ANXA11: variants seen among roughly 807,000 people sequenced by gnomAD.
ANXA11 encodes the protein 56 kDa autoantigen.
A neutral mutation model predicts 64.7 loss-of-function variants in ANXA11; 57 were observed. The observed-to-expected ratio is 0.88, with a 90% CI of 0.71 to 1.10. The LOEUF is 1.10. Ranked by LOEUF, ANXA11 falls within the 50% of genes least tolerant of loss-of-function variation. ANXA11 has a pLI of 0.00. For synonymous variants in ANXA11, 260 were observed against 265.2 expected (o/e 0.98, Z 0.19); for missense variants, 675 against 670.7 (o/e 1.01, Z -0.07).
Position 80,169,171 on chromosome 10 carries a change from T to C in ANXA11, c.359A>G (p.Tyr120Cys), listed in dbSNP as rs1176166954. 1 of 1,590,502 alleles carries C rather than the reference T, an allele frequency of 6.3e-7. No homozygotes were observed. The highest frequency in any genetic ancestry group is 1.8e-5 in the Admixed American group (1 of 54,738). Reference protein sequence around the residue: ...GGNPPSRMPSYPPYPGAPVPG... With the variant: ...GGNPPSRMPSCPPYPGAPVPG... ...CACAGGGGCCCCTGGGTATGGCGGA[T>C]ATGAGGGCATCCTGGAGGGTGGGTT... Residue 120 changes from tyrosine to cysteine, a missense_variant, in exon 5 of 16, where the codon TAT (tyrosine) becomes TGT (cysteine). Coordinates refer to ENST00000422982, the MANE Select transcript of ANXA11 (RefSeq NM_145868.2).
At chr10:80,174,042 A>C (rs1446446350) in intron 2 of ANXA11, among the ~76,000 whole-genome samples, 3 of 152,160 alleles carry the variant, frequency 2.0e-5, no homozygotes, top group Non-Finnish European at 2.9e-5. Context: ...ATCTATCTTG[A>C]AGAACTGGGC....
intron 4 of ANXA11, among the ~76,000 whole-genome samples, chr10:80,170,382 C>T (rs1375581695): frequency 6.6e-6 from 1 of 152,192 alleles, no homozygotes; most frequent in Admixed American, 6.5e-5. Context: ...AGTAGCATGT[C>T]TGCCCAAGAT....
At chr10:80,170,726 A>G in intron 4 of ANXA11, 74 bp downstream of exon 4, 1 of 1,212,018 alleles carries the variant, frequency 8.3e-7, no homozygotes. Flanking sequence ...GGAGCCCCAG[A>G]GGCCAGCAGC....
rs3060571 is a variant in ANXA11, at chr10:80,178,210, G to GCTCTCTCT, written c.-57-2063_-57-2056dup. Among the ~76,000 whole-genome samples the GCTCTCTCT allele has an allele frequency of 1.7e-4, 25 of 149,248 alleles. No homozygotes were observed. The East Asian group carries it at 1.8e-3, about 11-fold the overall frequency. ...CAGTGAGCTATAATCCAGAAGATCTGCTCTCTCTCTCTCTCTCTCTCTCTG... is the reference window on the plus strand; with the variant it reads ...CAGTGAGCTATAATCCAGAAGATCTGCTCTCTCTCTCTCTCTCTCTCTCTCTCTCTCTG... On this transcript the variant is annotated intron_variant, in intron 1 of 15. Transcript: ENST00000422982.
At position 80,198,809 on chromosome 10, in the gene ANXA11, C is replaced by T. The variant is rs142365012; in HGVS notation, c.-58+6534G>A. On this transcript the variant is annotated intron_variant, in intron 1 of 15. Coordinates refer to ENST00000422982, the MANE Select transcript of ANXA11 (RefSeq NM_145868.2). ...TCTTCATTCACAACCAAACCTGAAA[C>T]GTAATACAGGTGGCGTGGGGAAGAT... Among the ~76,000 whole-genome samples the T allele has an allele frequency of 4.6e-5, 7 of 152,074 alleles. No homozygotes were observed. In the East Asian group the frequency reaches 7.7e-4, roughly 17 times the overall value.
At chr10:80,185,325 A>C (rs1171957358) in intron 1 of ANXA11, among the ~76,000 whole-genome samples, 1 of 152,244 alleles carries the variant, frequency 6.6e-6, no homozygotes, top group Non-Finnish European at 1.5e-5. Flanking sequence ...GCTGCCCGGA[A>C]TGTGTTCCCT....
At chr10:80,201,799 C>T (rs189634469) in intron 1 of ANXA11, among the ~76,000 whole-genome samples, 1 of 152,272 alleles carries the variant, frequency 6.6e-6, no homozygotes, top group African/African-American at 2.4e-5. Flanking sequence ...CCCAGTGGTG[C>T]CACTCCCCAG....
chr10:80,197,766 C>CA lies in ANXA11; in HGVS notation c.-58+7576dup, dbSNP rs200750203. Among the ~76,000 whole-genome samples the CA allele has an allele frequency of 1.1e-4, 16 of 151,898 alleles. No homozygotes were observed. The South Asian group carries it at 1.5e-3, about 14-fold the overall frequency. On this transcript the variant is annotated intron_variant, in intron 1 of 15. Transcript: ENST00000422982. ...TGAAACCCCGTCTCTACTAAAAATA[C>CA]AAAAAAAATTAGCAAAGCGCAGTGG... is the stretch of plus-strand genomic sequence containing the variant.
intron 1 of ANXA11, among the ~76,000 whole-genome samples, chr10:80,190,414 G>C (rs1199537789): frequency 6.6e-6 from 1 of 151,296 alleles, no homozygotes; most frequent in African/African-American, 2.4e-5. Flanking sequence ...ATTTCACATT[G>C]TATTCATAGA....
At chr10:80,167,184 A>T (rs1326549767) in intron 6 of ANXA11, 42 bp downstream of exon 6, 1 of 1,587,824 alleles carries the variant, frequency 6.3e-7, no homozygotes, top group Non-Finnish European at 8.6e-7. Context: ...CCTGGGAAAT[A>T]GGGGGCAGGG....
intron 9 of ANXA11, 90 bp from the exon 10 acceptor site, chr10:80,163,703 G>T: frequency 4.9e-6 from 6 of 1,225,948 alleles, no homozygotes; most frequent in Non-Finnish European, 7.0e-6. Flanking sequence ...GTACTGGGGA[G>T]AAAAAGGCTG....
Position 80,176,155 on chromosome 10 carries a change from C to A in ANXA11, c.-57G>T, listed in dbSNP as rs1846161165. 1 of 152,248 alleles carries A rather than the reference C, an allele frequency of 6.6e-6. No homozygotes were observed. Among genetic ancestry groups the A allele is most frequent in the Non-Finnish European group, 1.5e-5 (1 of 68,050 alleles). 9.4% of individuals were successfully genotyped at this position (152,248 alleles called of 1,614,324 possible). ...TGTAAGTCTCTTCCCCAGACACACACCTGTGTGAAATGTCATACAGACATG... is the reference window on the plus strand; with the variant it reads ...TGTAAGTCTCTTCCCCAGACACACAACTGTGTGAAATGTCATACAGACATG... On this transcript the variant is annotated splice_region_variant and 5_prime_UTR_variant, in exon 2 of 16. Coordinates refer to ENST00000422982, the MANE Select transcript of ANXA11 (RefSeq NM_145868.2).
chr10:80,166,889 C>A lies in ANXA11; in HGVS notation c.744+1G>T. Reference sequence around the variant, plus strand: ...TCCCGCGCCCCCACCCCGCAGCTCGCCTTGCCGTAAGCCGTCTTGAAGGAA... The same window carrying A: ...TCCCGCGCCCCCACCCCGCAGCTCGACTTGCCGTAAGCCGTCTTGAAGGAA... On this transcript the variant is annotated splice_donor_variant, in intron 7 of 15. Coordinates refer to ENST00000422982, the MANE Select transcript of ANXA11 (RefSeq NM_145868.2). LOFTEE classifies it high-confidence loss of function. 2 of 1,603,048 alleles carry A rather than the reference C, an allele frequency of 1.2e-6. No homozygotes were observed. The highest frequency in any genetic ancestry group is 1.7e-6 in the Non-Finnish European group (2 of 1,175,902).
intron 1 of ANXA11, among the ~76,000 whole-genome samples, chr10:80,185,256 G>C (rs1000962935): frequency 6.6e-6 from 1 of 152,274 alleles, no homozygotes; most frequent in East Asian, 1.9e-4. Flanking sequence ...GATCTAACCG[G>C]GATGCCCAGG....
At chr10:80,192,448 T>A (rs1392969344) in intron 1 of ANXA11, among the ~76,000 whole-genome samples, 2 of 151,498 alleles carry the variant, frequency 1.3e-5, no homozygotes, top group South Asian at 2.1e-4. Context: ...GACAAAAATA[T>A]AATCAATAAT....
intron 7 of ANXA11, 159 bp downstream of exon 7, chr10:80,166,723 TCACCTCCC>T: frequency 1.6e-6 from 1 of 624,600 alleles, no homozygotes; most frequent in Non-Finnish European, 2.8e-6. Flanking sequence ...GTGGCATCCT[TCACCTCCC>T]AACGATGCCA....
In ANXA11 at chr10:80,155,590, G is replaced by C. The variant is rs554323812; in HGVS notation, c.*263C>G. The C allele has an allele frequency of 5.1e-4, 250 of 491,396 alleles. 2 individuals carry two copies. The highest frequency in any genetic ancestry group is 4.4e-3 in the African/African-American group (227 of 51,996). The allele number at this position is 491,396 out of a possible 1,614,324, so 30.4% of individuals were successfully genotyped here. A position where few individuals can be genotyped will look rare whatever the true frequency, so the allele number is the denominator to read the frequency against. Reference sequence around the variant, plus strand: ...TAGCCACAGGCAAAGGGGAATGATTGCATGAGTCAGAAAAATGAAACATCT... The same window carrying C: ...TAGCCACAGGCAAAGGGGAATGATTCCATGAGTCAGAAAAATGAAACATCT... On this transcript the variant is annotated 3_prime_UTR_variant, in exon 16 of 16. Coordinates refer to ENST00000422982, the MANE Select transcript of ANXA11 (RefSeq NM_145868.2).
chr10:80,166,221 ACC>A, intron 7 of ANXA11, 24 bp from the exon 8 acceptor site: 2 of 1,370,782 alleles, frequency 1.5e-6, no homozygotes, highest in Admixed American at 1.9e-5. Context: ...CAAACAAACA[ACC>A]AACAAAAAAA....
intron 2 of ANXA11, among the ~76,000 whole-genome samples, chr10:80,175,104 G>A (rs765706508): frequency 2.0e-5 from 3 of 152,138 alleles, no homozygotes; most frequent in South Asian, 2.1e-4. Context: ...TGAGGTCCCC[G>A]GTGGCATCAC....
Sources: gnomAD v4.1 joint callset for allele counts (sites outside exome capture counted in the v4.1 genomes callset) on GRCh38, gnomAD v4.1.1 for gene constraint, MANE v1.5 for transcripts, NCBI Gene and HGNC (gene_info 2026-07-23, HGNC 2026-07-21) for gene names.